The following SPECC1 variants were observed in gnomAD, a reference collection of about 807,000 sequenced individuals.
SPECC1 encodes the protein cytospin-B.
A neutral mutation model predicts 104.1 loss-of-function variants in SPECC1; 62 were observed. The observed-to-expected ratio is 0.60, with a 90% CI of 0.49 to 0.74. SPECC1 has a LOEUF of 0.74. Among genes scored for constraint, SPECC1 ranks in the 30% least tolerant of loss-of-function variants. SPECC1 has a pLI of 0.00. For missense variants in SPECC1, 1,306 were observed against 1,310.5 expected (o/e 1.00, Z 0.05); for synonymous variants, 513 against 501.6 (o/e 1.02, Z -0.30).
intron 1 of SPECC1, among the ~76,000 whole-genome samples, chr17:20,040,149 A>ATG (rs1295458434): frequency 6.7e-6 from 1 of 150,230 alleles, no homozygotes; most frequent in Non-Finnish European, 1.5e-5. Flanking sequence ...ATTACATTAT[A>ATG]TGTATATATA....
intron 12 of SPECC1, among the ~76,000 whole-genome samples, chr17:20,273,264 G>GCTTGAGGC (rs2151640180): frequency 6.6e-6 from 1 of 152,216 alleles, no homozygotes; most frequent in African/African-American, 2.4e-5. Context: ...TGGGTGGATT[G>GCTTGAGGC]CTTGAGGCCA....
chr17:20,020,832 A>G (rs1218874937), intron 1 of SPECC1, among the ~76,000 whole-genome samples: 1 of 152,182 alleles, frequency 6.6e-6, no homozygotes, highest in African/African-American at 2.4e-5. Flanking sequence ...TGAGGTTCAT[A>G]TAATACTTTT....
At chr17:20,277,551 T>G (rs960824834) in intron 12 of SPECC1, among the ~76,000 whole-genome samples, 1 of 152,168 alleles carries the variant, frequency 6.6e-6, no homozygotes, top group African/African-American at 2.4e-5. Flanking sequence ...CTGGTTTTTC[T>G]TTTTTTCTTT....
rs1389439102 is a variant in SPECC1, at chr17:20,317,548, C to T, written c.*3483C>T. ...TGCTGGGACTACAGGGGTAAGCCACCGCGCCTGGCCCAAAATTTTGTTTTT... is the reference window on the plus strand; with the variant it reads ...TGCTGGGACTACAGGGGTAAGCCACTGCGCCTGGCCCAAAATTTTGTTTTT... On this transcript the variant is annotated 3_prime_UTR_variant, in exon 15 of 15. Coordinates refer to ENST00000395527, the MANE Select transcript of SPECC1 (RefSeq NM_001243439.2). The T allele has an allele frequency of 6.9e-5, 13 of 187,848 alleles. No homozygotes were observed. The highest frequency in any genetic ancestry group is 1.7e-4 in the East Asian group (2 of 11,718). 11.6% of individuals were successfully genotyped at this position (187,848 alleles called of 1,614,324 possible).
chr17:20,069,707 GGAC>G (rs1240078294), intron 1 of SPECC1, among the ~76,000 whole-genome samples: 5 of 152,052 alleles, frequency 3.3e-5, no homozygotes. Flanking sequence ...TGTCTTACAT[GGAC>G]ATGGGATGTC....
rs532837563 is a variant in SPECC1, at chr17:20,037,381, C to T, written c.-22+27957C>T. 9.2e-5 allele frequency among the ~76,000 whole-genome samples: 14 copies of T among 152,150 alleles called. No homozygotes were observed. In the East Asian group the frequency reaches 2.5e-3, roughly 27 times the overall value. ...GGCCAGGCTAGTCTCAAACTCCTGACCTCAGGTGATCCACCAGCGTCAGCC... is the reference window on the plus strand; with the variant it reads ...GGCCAGGCTAGTCTCAAACTCCTGATCTCAGGTGATCCACCAGCGTCAGCC... On this transcript the variant is annotated intron_variant, in intron 1 of 14. Coordinates refer to ENST00000395527, the MANE Select transcript of SPECC1 (RefSeq NM_001243439.2).
intron 12 of SPECC1, among the ~76,000 whole-genome samples, chr17:20,283,232 C>A (rs1221380060): frequency 6.6e-6 from 1 of 152,066 alleles, no homozygotes; most frequent in Admixed American, 6.6e-5. Context: ...TGAACAGGAG[C>A]AGAAATGGAA....
chr17:20,276,264 A>T (rs1373668125), intron 12 of SPECC1, among the ~76,000 whole-genome samples: 1 of 152,068 alleles, frequency 6.6e-6, no homozygotes, highest in Non-Finnish European at 1.5e-5. Flanking sequence ...CTACAGGTAC[A>T]TGACACCACA....
chr17:20,050,140 G>C (rs933759071), intron 1 of SPECC1, among the ~76,000 whole-genome samples: 1 of 152,068 alleles, frequency 6.6e-6, no homozygotes, highest in African/African-American at 2.4e-5. Context: ...TAAATATTTG[G>C]TGCTCCTCAC....
intron 3 of SPECC1, among the ~76,000 whole-genome samples, chr17:20,197,940 C>T (rs1016683596): frequency 1.3e-5 from 2 of 152,114 alleles, no homozygotes; most frequent in African/African-American, 4.8e-5. Flanking sequence ...TTTTTCCCCC[C>T]ATTCATTCAA....
intron 1 of SPECC1, among the ~76,000 whole-genome samples, chr17:20,056,054 G>A (rs56186136): frequency 0.07 from 10,732 of 152,230 alleles, 409 homozygotes; most frequent in Non-Finnish European, 0.081. Flanking sequence ...TAAATTCCAA[G>A]TCTTAGTTTG....
At chr17:20,141,445 GCTAA>G (rs1038026464) in intron 3 of SPECC1, among the ~76,000 whole-genome samples, 1 of 152,188 alleles carries the variant, frequency 6.6e-6, no homozygotes, top group Non-Finnish European at 1.5e-5. Context: ...CTTCAGTCAT[GCTAA>G]CTGATTCAGA....
intron 3 of SPECC1, among the ~76,000 whole-genome samples, chr17:20,200,408 A>C (rs1482799188): frequency 6.6e-6 from 1 of 152,188 alleles, no homozygotes; most frequent in African/African-American, 2.4e-5. Context: ...AATCTTCATA[A>C]TTATGAGATG....
At chr17:20,137,654 A>G (rs2030170716) in intron 3 of SPECC1, among the ~76,000 whole-genome samples, 1 of 152,084 alleles carries the variant, frequency 6.6e-6, no homozygotes, top group African/African-American at 2.4e-5. Context: ...TTAAAATTAA[A>G]TCTTTATTTT....
intron 3 of SPECC1, chr17:20,112,984 TAGATG>T: frequency 9.1e-7 from 1 of 1,097,216 alleles, no homozygotes; most frequent in South Asian, 1.3e-5. Flanking sequence ...CACAAAGTGT[TAGATG>T]AGAATTTTAG....
chr17:20,278,302 T>C (rs1333593371), intron 12 of SPECC1, among the ~76,000 whole-genome samples: 2 of 152,060 alleles, frequency 1.3e-5, no homozygotes, highest in African/African-American at 2.4e-5. Context: ...AAGGTCCATA[T>C]TGGAGAATTA....
chr17:20,103,496 G>A (rs570995175), intron 2 of SPECC1, among the ~76,000 whole-genome samples: 4 of 152,326 alleles, frequency 2.6e-5, no homozygotes, highest in Non-Finnish European at 5.9e-5. Context: ...TGTACGTCCA[G>A]CCTCTAGTGG....
At chr17:20,183,302 C>T (rs2035036302) in intron 3 of SPECC1, among the ~76,000 whole-genome samples, 2 of 152,280 alleles carry the variant, frequency 1.3e-5, no homozygotes, top group South Asian at 4.1e-4. Context: ...ATAAAGCAAT[C>T]CGGCAATAAT....
In SPECC1 at chr17:20,317,561, A is replaced by G. The variant is rs1362949898; in HGVS notation, c.*3496A>G. 2 of 189,530 alleles carry G rather than the reference A, an allele frequency of 1.1e-5. No homozygotes were observed. Among genetic ancestry groups the G allele is most frequent in the Non-Finnish European group, 2.2e-5 (2 of 90,456 alleles). The allele number at this position is 189,530 out of a possible 1,614,324, so 11.7% of individuals were successfully genotyped here. ...GGGGTAAGCCACCGCGCCTGGCCCA[A>G]AATTTTGTTTTTTAATTAGCTGGGT... On this transcript the variant is annotated 3_prime_UTR_variant, in exon 15 of 15. Transcript: ENST00000395527.
Sources: allele counts gnomAD v4.1 joint callset (sites outside exome capture counted in the v4.1 genomes callset), GRCh38; gene constraint gnomAD v4.1.1; transcripts MANE v1.5; gene names NCBI Gene and HGNC (gene_info 2026-07-23, HGNC 2026-07-21).